The following SPATA7 variants were observed in gnomAD, a reference collection of about 807,000 sequenced individuals.
SPATA7 encodes the protein spermatogenesis-associated protein 7.
In SPATA7, 43 loss-of-function variants were observed where a neutral mutation model predicts 51.8. The observed-to-expected ratio is 0.83, with a 90% CI of 0.65 to 1.07. SPATA7 has a LOEUF of 1.07. SPATA7 is among the 50% of genes least tolerant of loss of function. The pLI, the probability that SPATA7 is intolerant of heterozygous loss-of-function variation, is 0.00. For synonymous variants in SPATA7, 230 were observed against 252.8 expected, an observed-to-expected ratio of 0.91 and a Z score of 0.86; for missense variants, 683 against 701.3, an observed-to-expected ratio of 0.97 and a Z score of 0.30.
intron 10 of SPATA7, among the ~76,000 whole-genome samples, chr14:88,435,476 A>C (rs2077059670): frequency 6.6e-6 from 1 of 152,142 alleles, no homozygotes; most frequent in African/African-American, 2.4e-5. Flanking sequence ...TGTACAATTA[A>C]GTTACTATTG....
At chr14:88,435,298 T>G (rs2077053518) in intron 10 of SPATA7, among the ~76,000 whole-genome samples, 1 of 152,190 alleles carries the variant, frequency 6.6e-6, no homozygotes, top group Non-Finnish European at 1.5e-5. Flanking sequence ...TTTTTTAAAA[T>G]TTTGTGAGGT....
chr14:88,385,690 G>T lies in SPATA7; in HGVS notation c.-129G>T, dbSNP rs1020634600. 6.5e-6 allele frequency: 6 copies of T among 917,670 alleles called. No homozygotes were observed. The highest frequency in any genetic ancestry group is 1.6e-5 in the African/African-American group (1 of 61,490). The allele number at this position is 917,670 out of a possible 1,614,324, so 56.8% of individuals were successfully genotyped here. ...CAGCCCTTAGCAACGGCCTGGCAAC[G>T]GTTTCCCTGCTGCTGCAGCCCCCGT... is the stretch of plus-strand genomic sequence containing the variant. On this transcript the variant is annotated 5_prime_UTR_variant, in exon 1 of 12. Coordinates refer to ENST00000393545, the MANE Select transcript of SPATA7 (RefSeq NM_018418.5).
downstream of SPATA7, among the ~76,000 whole-genome samples, chr14:88,459,578 T>C (rs999258621): frequency 6.6e-5 from 10 of 152,200 alleles, no homozygotes; most frequent in African/African-American, 2.4e-4. Context: ...TAGATCTTCC[T>C]CCATCCCTTT....
Position 88,469,604 on chromosome 14 carries a change from G to C in SPATA7, c.255-243G>C, listed in dbSNP as rs772118184. ...CCAGTAAGGAGGTGCTTCATCTTCAGGCCTGTGGTGGCATAGCAGCCAGAG... is the reference window on the plus strand; with the variant it reads ...CCAGTAAGGAGGTGCTTCATCTTCACGCCTGTGGTGGCATAGCAGCCAGAG... On this transcript the variant is annotated intron_variant, in intron 4 of 4. Transcript: ENST00000556406. This position sits in a 1 kb window ranked among gnomAD's most constrained non-coding sequence, Gnocchi z 4.3. 10 of 1,614,104 alleles carry C rather than the reference G, an allele frequency of 6.2e-6. No individual in the cohort carries two copies.
chr14:88,413,216 C>T (rs1228401283), intron 4 of SPATA7, among the ~76,000 whole-genome samples: 1 of 152,154 alleles, frequency 6.6e-6, no homozygotes, highest in Non-Finnish European at 1.5e-5. Flanking sequence ...TGTGTCAGCT[C>T]TGATTTCTTT....
At chr14:88,455,939 T>C (rs1349877929), downstream of SPATA7, among the ~76,000 whole-genome samples, 4 of 145,270 alleles carry the variant, frequency 2.8e-5, no homozygotes, top group Non-Finnish European at 6.0e-5. Flanking sequence ...TGTGTTCTCA[T>C]TGTTCAGTTC....
downstream of SPATA7, among the ~76,000 whole-genome samples, chr14:88,439,409 C>T (rs1248672390): frequency 6.6e-6 from 1 of 152,102 alleles, no homozygotes; most frequent in Non-Finnish European, 1.5e-5. Context: ...CCAGCAGATT[C>T]ATCTCTAATT....
In SPATA7 at chr14:88,431,209, C is replaced by T. The variant is rs369170423; in HGVS notation, c.1066C>T (p.Arg356Cys). 19 of 1,613,414 alleles carry T rather than the reference C, an allele frequency of 1.2e-5. No homozygotes were observed. Among genetic ancestry groups the T allele is most frequent in the East Asian group, 4.5e-5 (2 of 44,838 alleles). ...CQYSLKPPST[R>C]KIYSDEEELL... ...GTATTCCCTGAAGCCCCCTTCAACT[C>T]GTAAAATCTACTCTGAGTAAGATCT... The change falls in exon 9 of 12, where the codon CGT becomes TGT. Residue 356 changes from arginine to cysteine, a missense_variant. By Grantham distance (180) the Arg-to-Cys change is radical. Coordinates refer to ENST00000393545, the MANE Select transcript of SPATA7 (RefSeq NM_018418.5).
chr14:88,469,752 G>GT lies in SPATA7; in HGVS notation c.255-93dup. ...CACCCTCCTGTTAAAGATGAGCATG[G>GT]TTAAATGACTCGAGATCCGGCAATG... On this transcript the variant is annotated intron_variant, in intron 4 of 4. Coordinates refer to the SPATA7 transcript ENST00000556406. This position sits in a 1 kb window ranked among gnomAD's most constrained non-coding sequence, Gnocchi z 4.3. The GT allele has an allele frequency of 6.2e-7, 1 of 1,612,378 alleles. No individual in the cohort carries two copies. Among genetic ancestry groups the GT allele is most frequent in the Non-Finnish European group, 8.5e-7 (1 of 1,178,442 alleles).
At chr14:88,432,929 A>G in intron 9 of SPATA7, 3 of 534,428 alleles carry the variant, frequency 5.6e-6, no homozygotes, top group Non-Finnish European at 9.9e-6. Flanking sequence ...TTACTCTATT[A>G]GGTCATCACC....
downstream of SPATA7, among the ~76,000 whole-genome samples, chr14:88,439,583 C>CT (rs2077163616): frequency 6.6e-6 from 1 of 152,150 alleles, no homozygotes. Flanking sequence ...AGGTATTCTT[C>CT]TAAAAACTTA....
At chr14:88,455,867 C>A (rs372147855), downstream of SPATA7, among the ~76,000 whole-genome samples, 2 of 126,670 alleles carry the variant, frequency 1.6e-5, no homozygotes, top group African/African-American at 5.8e-5. Context: ...CTAATGCTAT[C>A]CCTCCCCCTC....
At chr14:88,385,890 C>T in intron 1 of SPATA7, 53 bp downstream of exon 1, 2 of 1,570,550 alleles carry the variant, frequency 1.3e-6, no homozygotes, top group South Asian at 1.2e-5. Context: ...CTCCAGGCGG[C>T]GCTCCCAGCC....
In SPATA7 at chr14:88,437,824, T is replaced by C. The variant is rs558842670; in HGVS notation, c.1216-14T>C. 3 of 1,582,186 alleles carry C rather than the reference T, an allele frequency of 1.9e-6. No individual in the cohort carries two copies. The highest frequency in any genetic ancestry group is 2.7e-5 in the African/African-American group (2 of 73,232). On this transcript the variant is annotated splice_polypyrimidine_tract_variant and intron_variant, in intron 11 of 11. Coordinates refer to ENST00000393545, the MANE Select transcript of SPATA7 (RefSeq NM_018418.5). ...TCAATTAATGTAATTAGTCTCATCT[T>C]TTCTTAATCCTAGGAAAAAATGCGC...
chr14:88,402,959 CAAAAAAAAAAAAA>C (rs56330042), intron 4 of SPATA7, among the ~76,000 whole-genome samples: 1 of 62,032 alleles, frequency 1.6e-5, no homozygotes, highest in African/African-American at 5.1e-5. Flanking sequence ...AACTCAATAG[CAAAAAAAAAAAAA>C]AAAAAAAAAA....
intron 4 of SPATA7, among the ~76,000 whole-genome samples, chr14:88,405,005 A>G (rs183833608): frequency 1.3e-5 from 2 of 152,220 alleles, no homozygotes; most frequent in African/African-American, 4.8e-5. Flanking sequence ...AATGCAATGG[A>G]AAAAAAATGA....
chr14:88,423,423 G>T (rs1402372109), intron 5 of SPATA7, among the ~76,000 whole-genome samples: 1 of 150,168 alleles, frequency 6.7e-6, no homozygotes, highest in African/African-American at 2.4e-5. Flanking sequence ...AGGCATGATG[G>T]TGTGTATCTG....
intron 10 of SPATA7, among the ~76,000 whole-genome samples, chr14:88,434,512 T>C (rs10047871): frequency 0.093 from 14,076 of 151,684 alleles, 904 homozygotes; most frequent in African/African-American, 0.18. Context: ...TGGTGAAACC[T>C]CATCTCTACT....
chr14:88,461,021 G>C (rs2077313951), intron 4 of SPATA7, among the ~76,000 whole-genome samples: 1 of 152,216 alleles, frequency 6.6e-6, no homozygotes, highest in Admixed American at 6.5e-5. Flanking sequence ...CTGCAGAACA[G>C]CACATATTGC....
Sources: allele counts gnomAD v4.1 joint callset (sites outside exome capture counted in the v4.1 genomes callset), GRCh38; gene constraint gnomAD v4.1.1; non-coding constraint Gnocchi (gnomAD v3.1); transcripts MANE v1.5; gene names NCBI Gene and HGNC (gene_info 2026-07-23, HGNC 2026-07-21).